Variants in NKAIN3 observed in about 807,000 individuals in gnomAD.
The protein encoded by NKAIN3 is sodium/potassium transporting ATPase interacting 3.
In NKAIN3, 25 loss-of-function variants were observed where a neutral mutation model predicts 30.2. The ratio of observed to expected loss-of-function variants is 0.83; its 90% CI spans 0.60 to 1.16. The LOEUF is 1.16. NKAIN3 is among the 50% of genes most tolerant of loss of function. NKAIN3 has a pLI of 0.00. For synonymous variants in NKAIN3, 91 were observed against 89.6 expected (o/e 1.02, Z -0.09); for missense variants, 225 against 254.1 (o/e 0.89, Z 0.78).
Position 62,975,582 on chromosome 8 carries a change from CTAAG to C in NKAIN3, c.*10178_*10181del, listed in dbSNP as rs1233432048. Among the ~76,000 whole-genome samples the C allele has an allele frequency of 4.6e-5, 7 of 152,234 alleles. No individual in the cohort carries two copies. The highest frequency in any genetic ancestry group is 2.0e-4 in the Admixed American group (3 of 15,298). ...CTTCTTTATTAGCCTGGCTAGCCATCTAAGTATTTTGTTAATCTTTTCAAAAAAC... is the reference window on the plus strand; with the variant it reads ...CTTCTTTATTAGCCTGGCTAGCCATCTATTTTGTTAATCTTTTCAAAAAAC... On this transcript the variant is annotated 3_prime_UTR_variant, in exon 7 of 7. Coordinates refer to ENST00000623646, the MANE Select transcript of NKAIN3 (RefSeq NM_001304533.3).
At chr8:62,386,693 G>T (rs553067389) in intron 1 of NKAIN3, among the ~76,000 whole-genome samples, 5 of 152,282 alleles carry the variant, frequency 3.3e-5, no homozygotes, top group African/African-American at 1.2e-4. Context: ...GGGTGACATG[G>T]TAACGCAGCA....
intron 1 of NKAIN3, among the ~76,000 whole-genome samples, chr8:62,434,169 C>A (rs921068504): frequency 6.6e-6 from 1 of 152,158 alleles, no homozygotes; most frequent in Non-Finnish European, 1.5e-5. Context: ...CTTGTATTGA[C>A]ATTGCAGAGG....
intron 1 of NKAIN3, among the ~76,000 whole-genome samples, chr8:62,295,982 G>A (rs1813814863): frequency 6.6e-6 from 1 of 152,156 alleles, no homozygotes; most frequent in African/African-American, 2.4e-5. Flanking sequence ...TTGCACATCA[G>A]CAAATAAAGC....
intron 4 of NKAIN3, among the ~76,000 whole-genome samples, chr8:62,765,161 C>T (rs771323375): frequency 1.4e-5 from 2 of 140,018 alleles, no homozygotes; most frequent in African/African-American, 2.7e-5. Flanking sequence ...GAAGTAGAAT[C>T]GTGTGAACCC....
At chr8:62,937,151 G>A (rs1242523755) in intron 5 of NKAIN3, among the ~76,000 whole-genome samples, 1 of 152,056 alleles carries the variant, frequency 6.6e-6, no homozygotes, top group East Asian at 1.9e-4. Context: ...TGACCACATT[G>A]CAAAGAAAAT....
intron 1 of NKAIN3, among the ~76,000 whole-genome samples, chr8:62,272,191 G>A (rs1223042441): frequency 6.6e-6 from 1 of 152,142 alleles, no homozygotes; most frequent in Admixed American, 6.6e-5. Context: ...ATTTTCCTTT[G>A]GAATTCATAC....
At chr8:62,530,587 A>G (rs774491120) in intron 1 of NKAIN3, among the ~76,000 whole-genome samples, 1 of 151,160 alleles carries the variant, frequency 6.6e-6, no homozygotes, top group African/African-American at 2.4e-5. Context: ...ATTTTTCTCT[A>G]CTCTGCATTT....
chr8:62,452,380 G>T (rs937432072), intron 1 of NKAIN3, among the ~76,000 whole-genome samples: 10 of 152,130 alleles, frequency 6.6e-5, no homozygotes, highest in Non-Finnish European at 1.3e-4. Context: ...GGAGGCTGAG[G>T]CAGGAGAATC....
At chr8:62,988,170 G>A (rs1037266197), downstream of NKAIN3, among the ~76,000 whole-genome samples, 2 of 152,210 alleles carry the variant, frequency 1.3e-5, no homozygotes, top group African/African-American at 4.8e-5. Flanking sequence ...GCTTTGCAGG[G>A]TACAACCTCC....
At chr8:62,645,449 A>G (rs933165723) in intron 3 of NKAIN3, among the ~76,000 whole-genome samples, 1 of 152,180 alleles carries the variant, frequency 6.6e-6, no homozygotes. Context: ...TGTAGGGAGA[A>G]TACTCAGTTT....
At chr8:62,837,959 G>C (rs1456509945) in intron 4 of NKAIN3, among the ~76,000 whole-genome samples, 1 of 152,034 alleles carries the variant, frequency 6.6e-6, no homozygotes, top group African/African-American at 2.4e-5. Context: ...GGTTTATTAT[G>C]TGCAAGGTAC....
chr8:62,312,097 G>T (rs1264101306), intron 1 of NKAIN3, among the ~76,000 whole-genome samples: 2 of 150,452 alleles, frequency 1.3e-5, no homozygotes, highest in Admixed American at 6.6e-5. Context: ...AATGTTCTAT[G>T]GGGGAAGTAA....
chr8:62,809,788 G>A (rs373061365), intron 4 of NKAIN3, among the ~76,000 whole-genome samples: 6 of 152,256 alleles, frequency 3.9e-5, no homozygotes, highest in South Asian at 2.1e-4. Flanking sequence ...ACTGAAGCCC[G>A]TGGTGGTCAA....
chr8:62,907,702 C>T (rs756535244), intron 4 of NKAIN3, among the ~76,000 whole-genome samples: 1 of 152,264 alleles, frequency 6.6e-6, no homozygotes, highest in Non-Finnish European at 1.5e-5. Flanking sequence ...GCAGCATACA[C>T]GTGGTATTGG....
intron 4 of NKAIN3, among the ~76,000 whole-genome samples, chr8:62,903,745 C>T (rs909435552): frequency 4.6e-5 from 7 of 152,174 alleles, no homozygotes; most frequent in African/African-American, 1.7e-4. Flanking sequence ...TTAATTGACT[C>T]ACAGTTCATC....
chr8:62,307,452 C>T (rs1262479485), intron 1 of NKAIN3, among the ~76,000 whole-genome samples: 1 of 149,858 alleles, frequency 6.7e-6, no homozygotes, highest in Non-Finnish European at 1.5e-5. Flanking sequence ...CTTCTTTCCA[C>T]TTGTCTTTTT....
intron 3 of NKAIN3, among the ~76,000 whole-genome samples, chr8:62,680,196 A>G (rs1813607427): frequency 6.6e-6 from 1 of 152,200 alleles, no homozygotes; most frequent in Non-Finnish European, 1.5e-5. Context: ...ACTCAGTCCT[A>G]CAAGCACTTG....
chr8:62,716,793 A>T (rs533201066), intron 3 of NKAIN3, among the ~76,000 whole-genome samples: 1 of 152,114 alleles, frequency 6.6e-6, no homozygotes, highest in East Asian at 1.9e-4. Flanking sequence ...GCTGTCAGGA[A>T]TTACCTCTCA....
intron 4 of NKAIN3, chr8:62,856,211 G>T: frequency 1.2e-6 from 1 of 804,832 alleles, no homozygotes; most frequent in Non-Finnish European, 2.2e-6. Context: ...AAATGTCTGG[G>T]TCTTGGTTTT....
Sources: gnomAD v4.1 joint callset for allele counts (sites outside exome capture counted in the v4.1 genomes callset) on GRCh38, gnomAD v4.1.1 for gene constraint, MANE v1.5 for transcripts, NCBI Gene and HGNC (gene_info 2026-07-23, HGNC 2026-07-21) for gene names.